The following ST7 variants were observed in gnomAD, a reference collection of about 807,000 sequenced individuals.
The protein encoded by ST7 is suppressor of tumorigenicity 7 protein.
A neutral mutation model predicts 78.7 loss-of-function variants in ST7; 28 were observed. The observed-to-expected ratio is 0.36, with a 90% CI of 0.26 to 0.49. The LOEUF (loss-of-function observed/expected upper bound fraction) is 0.49. ST7 is among the 20% of genes least tolerant of loss of function. The pLI is 0.99. For synonymous variants in ST7, 247 were observed against 249.6 expected, an observed-to-expected ratio of 0.99 and a Z score of 0.10; for missense variants, 418 against 696.0, an observed-to-expected ratio of 0.60 and a Z score of 4.49.
intron 1 of ST7, among the ~76,000 whole-genome samples, chr7:117,071,026 T>C (rs1584565201): frequency 1.3e-5 from 2 of 151,980 alleles, no homozygotes; most frequent in East Asian, 3.9e-4. Flanking sequence ...GAGACCATCT[T>C]GGTTAACACG....
intron 1 of ST7, chr7:116,965,940 G>A (rs1184662458): frequency 1.9e-5 from 5 of 265,260 alleles, no homozygotes; most frequent in Admixed American, 4.8e-5. Flanking sequence ...TCTAGCAGGG[G>A]AAATGTAGTT....
chr7:117,167,583 T>C (rs1807671035), intron 9 of ST7, among the ~76,000 whole-genome samples: 1 of 151,874 alleles, frequency 6.6e-6, no homozygotes, highest in South Asian at 2.1e-4. Flanking sequence ...GGATGTTAGG[T>C]TGTGGAAGTC....
At chr7:117,069,745 G>C (rs141848165) in intron 1 of ST7, among the ~76,000 whole-genome samples, 83 of 152,280 alleles carry the variant, frequency 5.5e-4, no homozygotes, top group African/African-American at 1.9e-3. Flanking sequence ...TGGGTTACCA[G>C]AGTGCCCCTG....
intron 12 of ST7, among the ~76,000 whole-genome samples, chr7:117,200,834 TA>T (rs1196054887): frequency 0.05 from 7,283 of 144,384 alleles, 609 homozygotes; most frequent in African/African-American, 0.18. Flanking sequence ...TTTTTTTTTT[TA>T]AAAAAAAAAG....
intron 3 of ST7, among the ~76,000 whole-genome samples, chr7:117,127,337 A>G (rs1271193847): frequency 6.6e-6 from 1 of 151,908 alleles, no homozygotes; most frequent in African/African-American, 2.4e-5. Flanking sequence ...CCTGATATTT[A>G]TGAGGTATGT....
At chr7:117,202,575 G>A (rs1810978812) in intron 12 of ST7, among the ~76,000 whole-genome samples, 1 of 152,118 alleles carries the variant, frequency 6.6e-6, no homozygotes, top group African/African-American at 2.4e-5. Flanking sequence ...GCCAAGTCCT[G>A]GAGAAGCTCC....
At chr7:117,212,022 G>A (rs1378531236) in intron 13 of ST7, among the ~76,000 whole-genome samples, 4 of 152,176 alleles carry the variant, frequency 2.6e-5, no homozygotes, top group Non-Finnish European at 5.9e-5. Flanking sequence ...CTGGAGAAGT[G>A]TTTGTGAAAA....
intron 2 of ST7, among the ~76,000 whole-genome samples, chr7:117,101,928 T>A (rs1457937643): frequency 6.6e-6 from 1 of 152,186 alleles, no homozygotes; most frequent in Non-Finnish European, 1.5e-5. Context: ...CTCCTTAAAA[T>A]GGGTTGAAAT....
intron 9 of ST7, among the ~76,000 whole-genome samples, chr7:117,160,209 AC>A (rs1484216261): frequency 1.3e-5 from 2 of 150,214 alleles, no homozygotes; most frequent in African/African-American, 2.5e-5. Context: ...CTCCAGCCTG[AC>A]CAACAGAGTG....
At chr7:117,031,239 A>T (rs1421654504) in intron 1 of ST7, among the ~76,000 whole-genome samples, 1 of 151,666 alleles carries the variant, frequency 6.6e-6, no homozygotes, top group Admixed American at 6.6e-5. Context: ...CCCACAAAAA[A>T]CTTTTGGGTA....
rs73470841 is a variant in ST7 at position 117,206,890 on chromosome 7, T to A, written c.1255-2897T>A. Among the ~76,000 whole-genome samples, 1,012 of 152,328 alleles carry A rather than the reference T, an allele frequency of 6.6e-3. 10 individuals carry two copies. The highest frequency in any genetic ancestry group is 0.022 in the African/African-American group (922 of 41,562). ...AGACTTTTCCGTGATCATGGAAATA[T>A]TCCCTGCATTGTCCAATACAGTAGT... is the stretch of plus-strand genomic sequence containing the variant. On this transcript the variant is annotated intron_variant, in intron 12 of 15. Coordinates refer to ENST00000323984, the MANE Select transcript of ST7 (RefSeq NM_001369598.1).
intron 6 of ST7, among the ~76,000 whole-genome samples, chr7:117,133,802 C>A (rs1804561798): frequency 1.3e-5 from 2 of 151,790 alleles, no homozygotes; most frequent in Non-Finnish European, 2.9e-5. Context: ...CTCTTTCCAT[C>A]TTTTAAAATA....
chr7:116,954,992 C>T (rs1419971938), intron 1 of ST7: 1 of 370,522 alleles, frequency 2.7e-6, no homozygotes, highest in African/African-American at 2.2e-5. Context: ...GGGATCGTGT[C>T]CCTGGGAGGC....
At chr7:116,956,747 T>G (rs1792521529) in intron 1 of ST7, 1 of 432,772 alleles carries the variant, frequency 2.3e-6, no homozygotes, top group Non-Finnish European at 4.7e-6. Flanking sequence ...ACTCGATTTT[T>G]TTTTAATTTA....
chr7:117,090,504 G>A (rs1281056954), intron 1 of ST7, among the ~76,000 whole-genome samples: 1 of 152,160 alleles, frequency 6.6e-6, no homozygotes, highest in African/African-American at 2.4e-5. Flanking sequence ...GTGTGTGCTT[G>A]TAGGGAAGAG....
chr7:117,197,407 T>C (rs1020805886), intron 12 of ST7, among the ~76,000 whole-genome samples: 2 of 152,216 alleles, frequency 1.3e-5, no homozygotes, highest in Non-Finnish European at 2.9e-5. Context: ...GGCAAGAAGA[T>C]TTTTTAGTCA....
chr7:117,131,739 A>G (rs1804375903), intron 5 of ST7, 146 bp from the exon 6 acceptor site: 2 of 696,170 alleles, frequency 2.9e-6, no homozygotes, highest in Non-Finnish European at 4.9e-6. Flanking sequence ...CACTAATATG[A>G]CTTTGGAGAT....
chr7:117,100,978 G>A (rs1201563428), intron 2 of ST7, among the ~76,000 whole-genome samples: 1 of 152,140 alleles, frequency 6.6e-6, no homozygotes, highest in African/African-American at 2.4e-5. Flanking sequence ...TTAGAGAAGG[G>A]TGCAAACATG....
Position 117,129,866 on chromosome 7 carries a change from T to C in ST7, c.449+19T>C, listed in dbSNP as rs760239252. 12 of 1,604,246 alleles carry C rather than the reference T, an allele frequency of 7.5e-6. 1 individual carries two copies. The highest frequency in any genetic ancestry group is 6.7e-5 in the East Asian group (3 of 44,638). ...ACAATCGGTAAGCATTTTGACAGCT[T>C]GGGAAACAAATGGGTCTGGTTCAGA... On this transcript the variant is annotated intron_variant, in intron 4 of 15. Transcript: ENST00000323984.
Sources: allele counts gnomAD v4.1 joint callset (sites outside exome capture counted in the v4.1 genomes callset), GRCh38; gene constraint gnomAD v4.1.1; transcripts MANE v1.5; gene names NCBI Gene and HGNC (gene_info 2026-07-23, HGNC 2026-07-21).